Variants in JPH3 observed in about 807,000 individuals in gnomAD.
JPH3 encodes junctophilin-3.
A neutral mutation model predicts 59.6 loss-of-function variants in JPH3; 11 were observed. The observed-to-expected ratio is 0.18, with a 90% CI of 0.12 to 0.31. The LOEUF is 0.31. Among genes scored for constraint, JPH3 ranks in the 10% least tolerant of loss-of-function variants. JPH3 has a pLI of 1.00. For synonymous variants in JPH3, 673 were observed against 483.6 expected (o/e 1.39, Z -5.14); for missense variants, 1,202 against 1,105.7 (o/e 1.09, Z -1.24).
At chr16:87,680,527 C>T (rs1237889039) in intron 2 of JPH3, among the ~76,000 whole-genome samples, 1 of 152,252 alleles carries the variant, frequency 6.6e-6, no homozygotes, top group Non-Finnish European at 1.5e-5. Flanking sequence ...CGACCTTTTC[C>T]TCCAGGGAAG....
At chr16:87,666,821 C>A (rs916269132) in intron 2 of JPH3, among the ~76,000 whole-genome samples, 2 of 152,230 alleles carry the variant, frequency 1.3e-5, no homozygotes, top group African/African-American at 4.8e-5. Flanking sequence ...TGCCTACATT[C>A]TATAGATGGG....
Position 87,604,287 on chromosome 16 carries a change from CCTGCTGCTGCTGCTGCTGCTG to C in JPH3, c.382+781_382+801del, listed in dbSNP as rs71156237. 4.0e-4 allele frequency: 578 copies of C among 1,432,822 alleles called. 5 individuals are homozygous for C. The highest frequency in any genetic ancestry group is 3.7e-4 in the Middle Eastern group (2 of 5,354). The allele number at this position is 1,432,822 out of a possible 1,614,324, so 88.8% of individuals were successfully genotyped here. ...GCCGGGGCCGGAAGCCAGGGAGCTG[CCTGCTGCTGCTGCTGCTGCTG>C]CTGCTGCTGCTGCTGCTGCTGTAAG... is the stretch of plus-strand genomic sequence containing the variant. On this transcript the variant is annotated intron_variant, in intron 1 of 4. Transcript: ENST00000284262.
intron 1 of JPH3, among the ~76,000 whole-genome samples, chr16:87,631,678 C>T (rs2031571202): frequency 1.3e-5 from 2 of 152,252 alleles, no homozygotes; most frequent in African/African-American, 4.8e-5. Context: ...ATTTTCCTTC[C>T]CTGCTTTCTA....
At chr16:87,673,045 T>C (rs557286957) in intron 2 of JPH3, among the ~76,000 whole-genome samples, 20 of 151,720 alleles carry the variant, frequency 1.3e-4, no homozygotes, top group African/African-American at 3.6e-4. Flanking sequence ...ACTTGGGAGG[T>C]TGAGGCAGGA....
At chr16:87,657,249 C>G (rs571360762) in intron 2 of JPH3, among the ~76,000 whole-genome samples, 1 of 152,322 alleles carries the variant, frequency 6.6e-6, no homozygotes, top group African/African-American at 2.4e-5. Flanking sequence ...ATCTTAAGGT[C>G]TGACACCTGC....
At chr16:87,683,452 G>A (rs577552151) in intron 2 of JPH3, among the ~76,000 whole-genome samples, 2 of 151,876 alleles carry the variant, frequency 1.3e-5, no homozygotes, top group South Asian at 2.1e-4. Flanking sequence ...TTACAGGCAC[G>A]TGCCACAACA....
intron 2 of JPH3, among the ~76,000 whole-genome samples, chr16:87,658,921 ACTGG>A (rs1244924858): frequency 2.0e-5 from 3 of 152,196 alleles, no homozygotes; most frequent in Admixed American, 2.0e-4. Flanking sequence ...GGGCAGCTTG[ACTGG>A]CTGGTGTCTT....
At chr16:87,675,419 T>C (rs2150869182) in intron 2 of JPH3, among the ~76,000 whole-genome samples, 1 of 152,344 alleles carries the variant, frequency 6.6e-6, no homozygotes, top group South Asian at 2.1e-4. Context: ...GGGCAGGACC[T>C]GCCCTGTGCT....
chr16:87,651,156 C>T (rs2032314830), intron 2 of JPH3, among the ~76,000 whole-genome samples: 1 of 152,216 alleles, frequency 6.6e-6, no homozygotes, highest in Non-Finnish European at 1.5e-5. Context: ...CAACAAAGAC[C>T]TGGATGGCTG....
chr16:87,689,257 AG>A (rs2033494778), intron 3 of JPH3, among the ~76,000 whole-genome samples: 1 of 152,236 alleles, frequency 6.6e-6, no homozygotes, highest in African/African-American at 2.4e-5. Context: ...CTCCCCAGAC[AG>A]GTGGTCAGCT....
intron 1 of JPH3, among the ~76,000 whole-genome samples, chr16:87,637,291 C>G (rs960661015): frequency 1.1e-4 from 16 of 152,140 alleles, no homozygotes; most frequent in African/African-American, 3.6e-4. Flanking sequence ...GGTTGCAGGC[C>G]ACTTTCATCA....
intron 2 of JPH3, among the ~76,000 whole-genome samples, chr16:87,658,120 G>T (rs546198609): frequency 6.6e-6 from 1 of 152,190 alleles, no homozygotes; most frequent in Non-Finnish European, 1.5e-5. Context: ...GACACCACCT[G>T]TGTGTTAATG....
chr16:87,669,452 TC>T (rs1322828994), intron 2 of JPH3, among the ~76,000 whole-genome samples: 2 of 152,142 alleles, frequency 1.3e-5, no homozygotes, highest in African/African-American at 4.8e-5. Flanking sequence ...TGGGGTTCCG[TC>T]CCCTCTGGCC....
intron 2 of JPH3, among the ~76,000 whole-genome samples, chr16:87,647,679 C>G (rs1047510950): frequency 2.6e-5 from 4 of 152,178 alleles, no homozygotes; most frequent in Non-Finnish European, 4.4e-5. Context: ...CCGCCATGTC[C>G]TGCTGTCCAC....
chr16:87,638,069 G>A (rs113140580), intron 1 of JPH3, among the ~76,000 whole-genome samples: 17 of 152,182 alleles, frequency 1.1e-4, no homozygotes, highest in African/African-American at 1.9e-4. Context: ...ACAGGTGCCC[G>A]CCACCATGCC....
In JPH3 at chr16:87,644,727, C is replaced by A. The variant is rs1338867369; in HGVS notation, c.852C>A (p.Thr284=). The A allele has an allele frequency of 6.2e-7, 1 of 1,612,754 alleles. No homozygotes were observed. Among genetic ancestry groups the A allele is most frequent in the Admixed American group, 1.7e-5 (1 of 60,018 alleles). Residue 284 remains threonine, a synonymous_variant, in exon 2 of 5, where the codon ACC becomes ACA. Transcript: ENST00000284262. ...TCGAGGACGACATCGACGCCACCAC[C>A]ACCGAGACCTACGTGGGCGAGTGGA... is the stretch of plus-strand genomic sequence containing the variant. The part of the protein sequence containing the change: ...AVIEDDIDAT[T]TETYVGEWKN...
chr16:87,626,776 AT>A (rs2031394115), intron 1 of JPH3, among the ~76,000 whole-genome samples: 1 of 152,180 alleles, frequency 6.6e-6, no homozygotes, highest in Admixed American at 6.5e-5. Context: ...GGACCAAGGG[AT>A]TCTCAAGAGA....
chr16:87,603,698 C>T (rs2150817582), intron 1 of JPH3, among the ~76,000 whole-genome samples, 170 bp downstream of exon 1: 1 of 152,336 alleles, frequency 6.6e-6, no homozygotes, highest in Non-Finnish European at 1.5e-5. Context: ...TACAGGTTGC[C>T]CCGCTGCCTG....
intron 3 of JPH3, among the ~76,000 whole-genome samples, chr16:87,687,210 C>T (rs1567614736): frequency 1.3e-5 from 2 of 152,194 alleles, no homozygotes; most frequent in Non-Finnish European, 2.9e-5. Context: ...GGTCCTTCCT[C>T]AGTCGTCCTC....
Sources: allele counts gnomAD v4.1 joint callset (sites outside exome capture counted in the v4.1 genomes callset), GRCh38; gene constraint gnomAD v4.1.1; transcripts MANE v1.5; gene names NCBI Gene and HGNC (gene_info 2026-07-23, HGNC 2026-07-21).